AFF3: variants seen among roughly 807,000 people sequenced by gnomAD.
AFF3 encodes the protein AF4/FMR2 family member 3.
A neutral mutation model predicts 129.7 loss-of-function variants in AFF3; 32 were observed. The ratio of observed to expected loss-of-function variants is 0.25; its 90% CI spans 0.19 to 0.33. AFF3 has a LOEUF of 0.33. AFF3 is among the 10% of genes least tolerant of loss of function. The pLI is 1.00. For synonymous variants in AFF3, 644 were observed against 635.4 expected (o/e 1.01, Z -0.20); for missense variants, 1,373 against 1,592.0 (o/e 0.86, Z 2.34).
chr2:100,056,652 C>A (rs1016649381), intron 4 of AFF3, among the ~76,000 whole-genome samples: 3 of 152,164 alleles, frequency 2.0e-5, no homozygotes, highest in African/African-American at 4.8e-5. Context: ...ACTTAAAGAT[C>A]ATTTTTCCTG....
intron 8 of AFF3, among the ~76,000 whole-genome samples, chr2:99,804,994 T>C (rs1419788222): frequency 6.6e-6 from 1 of 152,162 alleles, no homozygotes; most frequent in African/African-American, 2.4e-5. Flanking sequence ...ATACACTACT[T>C]GGATGACAAG....
chr2:99,568,842 A>T lies in AFF3; in HGVS notation c.2982+10T>A. 1 of 1,613,524 alleles carries T rather than the reference A, an allele frequency of 6.2e-7. No individual in the cohort carries two copies. The highest frequency in any genetic ancestry group is 1.1e-5 in the South Asian group (1 of 91,048). ...TTGGAAGAACGTATCTGGAAAGAAA[A>T]GGGTCTCACCATTGCATCTGCTTTA... On this transcript the variant is annotated intron_variant, in intron 19 of 24. Transcript: ENST00000672756.
chr2:99,970,450 C>T (rs960544809), intron 7 of AFF3, among the ~76,000 whole-genome samples: 1 of 152,160 alleles, frequency 6.6e-6, no homozygotes, highest in East Asian at 1.9e-4. Flanking sequence ...GGTTTAGAAT[C>T]AATATCTCTA....
chr2:99,815,697 G>T (rs1264509515), intron 8 of AFF3, among the ~76,000 whole-genome samples: 1 of 151,400 alleles, frequency 6.6e-6, no homozygotes, highest in Non-Finnish European at 1.5e-5. Context: ...TAGAATTCTG[G>T]GTTGAGAGTT....
At chr2:99,885,171 T>A (rs181771007) in intron 7 of AFF3, among the ~76,000 whole-genome samples, 3 of 152,308 alleles carry the variant, frequency 2.0e-5, no homozygotes, top group Admixed American at 2.0e-4. Flanking sequence ...CAATTTCTTC[T>A]GAACAGTCTA....
At chr2:99,858,980 T>C (rs947463655) in intron 7 of AFF3, among the ~76,000 whole-genome samples, 1 of 152,238 alleles carries the variant, frequency 6.6e-6, no homozygotes, top group Non-Finnish European at 1.5e-5. Flanking sequence ...AGCTGACCGA[T>C]ACACCTGCTT....
chr2:99,720,231 A>G (rs959574965), intron 11 of AFF3, among the ~76,000 whole-genome samples: 1 of 152,060 alleles, frequency 6.6e-6, no homozygotes, highest in Non-Finnish European at 1.5e-5. Flanking sequence ...GTGTGGTGGT[A>G]TTGGGAGCTG....
intron 7 of AFF3, among the ~76,000 whole-genome samples, chr2:99,867,106 C>T (rs535651465): frequency 6.6e-6 from 1 of 152,018 alleles, no homozygotes; most frequent in African/African-American, 2.4e-5. Flanking sequence ...TATGAGTACA[C>T]TAGATGCTGA....
intron 7 of AFF3, among the ~76,000 whole-genome samples, chr2:99,865,689 T>G (rs1217419084): frequency 6.6e-6 from 1 of 152,144 alleles, no homozygotes; most frequent in African/African-American, 2.4e-5. Flanking sequence ...TGATTAATAA[T>G]GTAAAACAAA....
intron 8 of AFF3, among the ~76,000 whole-genome samples, chr2:99,777,956 A>AG (rs984815344): frequency 1.3e-5 from 2 of 151,050 alleles, no homozygotes; most frequent in African/African-American, 4.9e-5. Flanking sequence ...GCAAAAAAAA[A>AG]AAAAAAAAAA....
At chr2:99,738,236 C>A (rs1001443023) in intron 10 of AFF3, among the ~76,000 whole-genome samples, 11 of 151,794 alleles carry the variant, frequency 7.2e-5, no homozygotes, top group African/African-American at 2.7e-4. Context: ...TGTTATTATT[C>A]ATTCCTCTCC....
chr2:100,070,242 A>C (rs1411539000), intron 4 of AFF3, among the ~76,000 whole-genome samples: 3 of 152,200 alleles, frequency 2.0e-5, no homozygotes, highest in Non-Finnish European at 2.9e-5. Flanking sequence ...GTGGTTGCGT[A>C]AGCACATCTA....
intron 4 of AFF3, among the ~76,000 whole-genome samples, chr2:100,075,742 C>A (rs970540264): frequency 1.3e-5 from 2 of 152,152 alleles, no homozygotes; most frequent in Non-Finnish European, 2.9e-5. Context: ...TCCCAGAATG[C>A]ATTTATCTGA....
At chr2:99,934,534 A>G (rs1385512751) in intron 7 of AFF3, among the ~76,000 whole-genome samples, 1 of 152,162 alleles carries the variant, frequency 6.6e-6, no homozygotes, top group African/African-American at 2.4e-5. Context: ...ACCTCTCAAG[A>G]ACCACAGAAG....
intron 7 of AFF3, among the ~76,000 whole-genome samples, chr2:99,875,980 C>G (rs950656525): frequency 1.3e-5 from 2 of 152,032 alleles, no homozygotes; most frequent in South Asian, 4.1e-4. Context: ...CAGAGTGGGC[C>G]CCTCCCTCCT....
chr2:99,575,832 A>G (rs1676938821), intron 18 of AFF3, among the ~76,000 whole-genome samples: 1 of 152,208 alleles, frequency 6.6e-6, no homozygotes, highest in Non-Finnish European at 1.5e-5. Context: ...AGAACAAATG[A>G]TAACAGCCTC....
chr2:100,037,881 G>GTA (rs546078740), intron 4 of AFF3, among the ~76,000 whole-genome samples: 3,756 of 143,850 alleles, frequency 0.026, 140 homozygotes, highest in African/African-American at 0.076. Flanking sequence ...ATGTGGGTGT[G>GTA]TATATATATA....
intron 2 of AFF3, among the ~76,000 whole-genome samples, chr2:100,108,794 G>A (rs1691411786): frequency 6.6e-6 from 1 of 151,664 alleles, no homozygotes; most frequent in African/African-American, 2.4e-5. Flanking sequence ...CTAGGGTTCA[G>A]TCTGCTCATC....
At chr2:99,879,009 T>A (rs183267014) in intron 7 of AFF3, among the ~76,000 whole-genome samples, 1 of 152,326 alleles carries the variant, frequency 6.6e-6, no homozygotes, top group African/African-American at 2.4e-5. Flanking sequence ...AGAATTTTTT[T>A]ATGTGCATCA....
Sources: gnomAD v4.1 joint callset for allele counts (sites outside exome capture counted in the v4.1 genomes callset) on GRCh38, gnomAD v4.1.1 for gene constraint, MANE v1.5 for transcripts, NCBI Gene and HGNC (gene_info 2026-07-23, HGNC 2026-07-21) for gene names.